Variants in KIAA1328 observed in about 807,000 individuals in gnomAD.
The protein encoded by KIAA1328 is KIAA1328, also known as protein hinderin.
Under a neutral mutation model 68.1 loss-of-function variants are expected in KIAA1328, and 52 were observed. The observed-to-expected ratio is 0.76, with a 90% confidence interval of 0.61 to 0.96. KIAA1328 has a LOEUF of 0.96. Among genes scored for constraint, KIAA1328 ranks in the 40% least tolerant of loss-of-function variants. The pLI, the probability that KIAA1328 is intolerant of heterozygous loss-of-function variation, is 0.00. For synonymous variants in KIAA1328, 232 were observed against 239.4 expected (o/e 0.97, Z 0.28); for missense variants, 641 against 677.6 (o/e 0.95, Z 0.60).
chr18:37,041,837 A>G (rs566358234), intron 6 of KIAA1328, among the ~76,000 whole-genome samples: 7 of 152,098 alleles, frequency 4.6e-5, no homozygotes, highest in Admixed American at 4.6e-4. Flanking sequence ...TCAATGTAAC[A>G]TTTACTCCTC....
intron 9 of KIAA1328, among the ~76,000 whole-genome samples, chr18:37,199,900 G>A (rs2060076165): frequency 6.6e-6 from 1 of 152,110 alleles, no homozygotes; most frequent in Non-Finnish European, 1.5e-5. Flanking sequence ...GTCTTCTTTT[G>A]AGAAGTGTCT....
intron 5 of KIAA1328, among the ~76,000 whole-genome samples, chr18:36,927,879 AAG>A (rs1188500877): frequency 1.3e-5 from 2 of 152,024 alleles, no homozygotes; most frequent in Non-Finnish European, 2.9e-5. Context: ...GAAAGAGAAA[AAG>A]AGAAAAGAGA....
chr18:37,103,997 T>C (rs1179666638), intron 7 of KIAA1328, among the ~76,000 whole-genome samples: 1 of 152,114 alleles, frequency 6.6e-6, no homozygotes, highest in East Asian at 1.9e-4. Context: ...AGCAGGGCTA[T>C]TATCAAAAGA....
rs1196085991 is a variant in KIAA1328 at position 37,158,014 on chromosome 18, T to TC, written c.1233-2184dup. On this transcript the variant is annotated intron_variant, in intron 7 of 9. Coordinates refer to ENST00000280020, the MANE Select transcript of KIAA1328 (RefSeq NM_020776.3). ...GTTCATGTAATTCTGCAGGAGAAAT[T>TC]CCTTTTTTTTTCTTTCTTTCTTTCT... 1.3e-5 allele frequency among the ~76,000 whole-genome samples: 2 copies of TC among 151,834 alleles called. 1 individual carries two copies. Among genetic ancestry groups the TC allele is most frequent in the African/African-American group, 4.8e-5 (2 of 41,354 alleles).
At chr18:36,933,215 A>C (rs1426892715) in intron 5 of KIAA1328, among the ~76,000 whole-genome samples, 1 of 152,086 alleles carries the variant, frequency 6.6e-6, no homozygotes, top group Non-Finnish European at 1.5e-5. Flanking sequence ...ACATTTCTAC[A>C]TTTCTATAAA....
intron 6 of KIAA1328, among the ~76,000 whole-genome samples, chr18:37,059,136 C>A (rs899168963): frequency 2.0e-5 from 3 of 151,802 alleles, no homozygotes; most frequent in African/African-American, 7.3e-5. Flanking sequence ...CTTCATCGAA[C>A]CTCATTTTCC....
intron 9 of KIAA1328, among the ~76,000 whole-genome samples, chr18:37,193,241 TC>T (rs1300609635): frequency 6.6e-6 from 1 of 152,116 alleles, no homozygotes; most frequent in Non-Finnish European, 1.5e-5. Flanking sequence ...AGGCCTACAG[TC>T]CCTCATCCAA....
intron 9 of KIAA1328, among the ~76,000 whole-genome samples, chr18:37,206,395 T>G (rs1221213061): frequency 6.6e-6 from 1 of 152,192 alleles, no homozygotes; most frequent in Non-Finnish European, 1.5e-5. Context: ...CTGTTCTCTA[T>G]TTATAACAAT....
chr18:36,873,267 C>T (rs942102087), intron 4 of KIAA1328, among the ~76,000 whole-genome samples: 11 of 152,142 alleles, frequency 7.2e-5, no homozygotes, highest in African/African-American at 2.7e-4. Flanking sequence ...GTAAATCAGT[C>T]ACCCAGATCA....
chr18:36,929,049 C>G (rs2050221513), intron 5 of KIAA1328, among the ~76,000 whole-genome samples: 1 of 152,100 alleles, frequency 6.6e-6, no homozygotes. Context: ...CCATTTGATT[C>G]TTATTAATAC....
chr18:37,189,063 G>T (rs1399750618), intron 9 of KIAA1328, among the ~76,000 whole-genome samples: 1 of 152,114 alleles, frequency 6.6e-6, no homozygotes, highest in Non-Finnish European at 1.5e-5. Context: ...GAAAAAAAAC[G>T]AATTCTTTTC....
At chr18:37,111,421 C>G (rs1160168048) in intron 7 of KIAA1328, among the ~76,000 whole-genome samples, 2 of 152,206 alleles carry the variant, frequency 1.3e-5, no homozygotes, top group Non-Finnish European at 2.9e-5. Context: ...GATTGGGTAA[C>G]TGGGAACTTT....
intron 4 of KIAA1328, among the ~76,000 whole-genome samples, chr18:36,878,916 T>C (rs532889538): frequency 6.6e-6 from 1 of 152,324 alleles, no homozygotes; most frequent in African/African-American, 2.4e-5. Flanking sequence ...GCAGTTCCTG[T>C]AACCTTTTAT....
intron 7 of KIAA1328, among the ~76,000 whole-genome samples, chr18:37,094,754 G>A (rs1326394901): frequency 3.3e-5 from 5 of 152,088 alleles, no homozygotes; most frequent in Admixed American, 6.6e-5. Flanking sequence ...AATGTAATTG[G>A]TTTAAATTCC....
intron 7 of KIAA1328, among the ~76,000 whole-genome samples, chr18:37,094,154 G>A (rs1287863264): frequency 1.3e-5 from 2 of 152,158 alleles, no homozygotes; most frequent in South Asian, 2.1e-4. Flanking sequence ...AATAGGGTTT[G>A]CGTTCCTATG....
chr18:36,918,469 G>C (rs1459456003), intron 5 of KIAA1328, among the ~76,000 whole-genome samples: 1 of 145,480 alleles, frequency 6.9e-6, no homozygotes, highest in Non-Finnish European at 1.5e-5. Context: ...CTAGAGTGCA[G>C]TGGTGCAATC....
At chr18:37,015,016 C>T (rs1276794923) in intron 6 of KIAA1328, among the ~76,000 whole-genome samples, 2 of 152,186 alleles carry the variant, frequency 1.3e-5, no homozygotes, top group Admixed American at 6.5e-5. Flanking sequence ...GATTCTCCTG[C>T]CTCAGCCTCC....
At chr18:37,183,007 C>CCA (rs1315062058) in intron 9 of KIAA1328, among the ~76,000 whole-genome samples, 3 of 152,122 alleles carry the variant, frequency 2.0e-5, no homozygotes, top group African/African-American at 4.8e-5. Flanking sequence ...TAGAAGCAAG[C>CCA]CACATGTTTA....
chr18:37,024,345 T>C (rs1404179603), intron 6 of KIAA1328, among the ~76,000 whole-genome samples: 1 of 141,452 alleles, frequency 7.1e-6, no homozygotes, highest in Non-Finnish European at 1.5e-5. Context: ...TTTTTATGTA[T>C]ATATTTATTA....
Sources: allele counts gnomAD v4.1 joint callset (sites outside exome capture counted in the v4.1 genomes callset), GRCh38; gene constraint gnomAD v4.1.1; transcripts MANE v1.5; gene names NCBI Gene and HGNC (gene_info 2026-07-23, HGNC 2026-07-21).